CDH13: variants seen among roughly 807,000 people sequenced by gnomAD.
CDH13 encodes cadherin-13.
Under a neutral mutation model 63.8 loss-of-function variants are expected in CDH13, and 24 were observed. The ratio of observed to expected loss-of-function variants is 0.38; its 90% confidence interval spans 0.27 to 0.53. The LOEUF (loss-of-function observed/expected upper bound fraction) is 0.53, where lower values mean the gene tolerates loss of function less well. Among genes scored for constraint, CDH13 ranks in the 20% least tolerant of loss-of-function variants. CDH13 has a pLI of 0.85. For synonymous variants in CDH13, 503 were observed against 355.3 expected (o/e 1.42, Z -4.67); for missense variants, 1,049 against 903.1 (o/e 1.16, Z -2.07).
At chr16:82,688,332 C>T (rs1286474863) in intron 1 of CDH13, among the ~76,000 whole-genome samples, 1 of 152,178 alleles carries the variant, frequency 6.6e-6, no homozygotes, top group Non-Finnish European at 1.5e-5. Flanking sequence ...TAAGGCAAAC[C>T]ATATGCCTTA....
intron 4 of CDH13, among the ~76,000 whole-genome samples, chr16:83,177,409 G>T (rs1401106881): frequency 6.6e-6 from 1 of 152,168 alleles, no homozygotes; most frequent in Non-Finnish European, 1.5e-5. Context: ...GAATAAGCAT[G>T]TCAACATCAA....
intron 2 of CDH13, among the ~76,000 whole-genome samples, chr16:82,944,261 C>T (rs1904448888): frequency 1.3e-5 from 2 of 152,154 alleles, no homozygotes; most frequent in African/African-American, 4.8e-5. Context: ...TGACATCCTC[C>T]AGTCCCAGGC....
chr16:82,897,760 G>A (rs1175164844), intron 2 of CDH13, among the ~76,000 whole-genome samples: 3 of 152,230 alleles, frequency 2.0e-5, no homozygotes, highest in Admixed American at 6.5e-5. Flanking sequence ...AAACTGCAAG[G>A]GGTGGGGAAA....
chr16:82,737,326 C>T (rs1315908569), intron 1 of CDH13, among the ~76,000 whole-genome samples: 1 of 152,160 alleles, frequency 6.6e-6, no homozygotes, highest in Non-Finnish European at 1.5e-5. Flanking sequence ...TCAGATGGAC[C>T]CAGGGGTCAT....
At chr16:83,312,958 T>G (rs2090032422) in intron 5 of CDH13, among the ~76,000 whole-genome samples, 1 of 152,198 alleles carries the variant, frequency 6.6e-6, no homozygotes, top group Admixed American at 6.5e-5. Context: ...CTGTAAAGCA[T>G]AAGTTTTCCC....
intron 5 of CDH13, among the ~76,000 whole-genome samples, chr16:83,321,783 C>T (rs1294055535): frequency 6.6e-6 from 1 of 152,206 alleles, no homozygotes; most frequent in Non-Finnish European, 1.5e-5. Context: ...CTGCCTCAGC[C>T]TCCCAAAGTG....
At chr16:83,007,971 C>A (rs1913720149) in intron 2 of CDH13, among the ~76,000 whole-genome samples, 1 of 152,160 alleles carries the variant, frequency 6.6e-6, no homozygotes, top group Non-Finnish European at 1.5e-5. Flanking sequence ...TCCTACCTAC[C>A]TACCGACTTA....
intron 4 of CDH13, among the ~76,000 whole-genome samples, chr16:83,213,450 G>C (rs1236942110): frequency 6.6e-6 from 1 of 152,108 alleles, no homozygotes; most frequent in Non-Finnish European, 1.5e-5. Flanking sequence ...TCTGGGTGCT[G>C]TGTTCCCAAC....
chr16:83,265,051 T>A (rs933685699), intron 5 of CDH13, among the ~76,000 whole-genome samples: 2 of 152,246 alleles, frequency 1.3e-5, no homozygotes, highest in African/African-American at 4.8e-5. Flanking sequence ...ATGTATTTTT[T>A]ATTAAATCCT....
chr16:83,295,526 G>C (rs920574026), intron 5 of CDH13, among the ~76,000 whole-genome samples: 5 of 152,020 alleles, frequency 3.3e-5, no homozygotes, highest in African/African-American at 1.2e-4. Context: ...GAACTGAATA[G>C]ACAGTTTTCT....
At chr16:83,780,886 A>G (rs999762894) in intron 12 of CDH13, among the ~76,000 whole-genome samples, 7 of 152,162 alleles carry the variant, frequency 4.6e-5, no homozygotes, top group Admixed American at 2.0e-4. Flanking sequence ...ATTAACTTTC[A>G]CCAGCGCATT....
At chr16:82,991,240 A>C (rs557113167) in intron 2 of CDH13, among the ~76,000 whole-genome samples, 2 of 152,336 alleles carry the variant, frequency 1.3e-5, no homozygotes, top group East Asian at 3.9e-4. Flanking sequence ...TGAAAAATTG[A>C]TCACACGCTC....
intron 1 of CDH13, among the ~76,000 whole-genome samples, chr16:82,688,278 G>A (rs1915287391): frequency 6.6e-6 from 1 of 152,140 alleles, no homozygotes; most frequent in Non-Finnish European, 1.5e-5. Flanking sequence ...CTGGGAACAT[G>A]GTTTCTGATC....
chr16:83,333,424 C>A (rs985324849), intron 5 of CDH13, among the ~76,000 whole-genome samples: 2 of 152,020 alleles, frequency 1.3e-5, no homozygotes, highest in African/African-American at 2.4e-5. Context: ...GGATGATTGG[C>A]ACCTCTCTCA....
chr16:82,660,678 C>G (rs1911834714), intron 1 of CDH13, among the ~76,000 whole-genome samples: 1 of 152,146 alleles, frequency 6.6e-6, no homozygotes, highest in African/African-American at 2.4e-5. Context: ...CCTAGAGCAG[C>G]TTCAGACATA....
rs1013964483 is a variant in CDH13 at position 83,236,558 on chromosome 16, C to T, written c.636+19061C>T. Among the ~76,000 whole-genome samples, 10 of 152,196 alleles carry T rather than the reference C, an allele frequency of 6.6e-5. No individual in the cohort carries two copies. The East Asian group carries it at 9.7e-4, about 15-fold the overall frequency. On this transcript the variant is annotated intron_variant, in intron 5 of 13. Transcript: ENST00000567109. Reference sequence around the variant, plus strand: ...GAGATTTGTGATGGATGCCAATGTGCCTTCCTAAAATGCTGCAAGGCTATT... The same window carrying T: ...GAGATTTGTGATGGATGCCAATGTGTCTTCCTAAAATGCTGCAAGGCTATT...
intron 3 of CDH13, among the ~76,000 whole-genome samples, chr16:83,057,223 C>T (rs1011196976): frequency 6.6e-6 from 1 of 152,144 alleles, no homozygotes; most frequent in Non-Finnish European, 1.5e-5. Flanking sequence ...CCTGGGCCTC[C>T]CAAAGTACTG....
intron 6 of CDH13, among the ~76,000 whole-genome samples, chr16:83,428,038 C>G (rs1044567999): frequency 1.3e-5 from 2 of 152,150 alleles, no homozygotes; most frequent in African/African-American, 4.8e-5. Context: ...GAGAATCGGT[C>G]TCTGGTATAT....
chr16:83,168,847 C>T (rs1168539677), intron 4 of CDH13, among the ~76,000 whole-genome samples: 1 of 152,050 alleles, frequency 6.6e-6, no homozygotes, highest in Non-Finnish European at 1.5e-5. Flanking sequence ...TCTTCCAAAC[C>T]ATGATATTTA....
Sources: allele counts gnomAD v4.1 joint callset (sites outside exome capture counted in the v4.1 genomes callset), GRCh38; gene constraint gnomAD v4.1.1; transcripts MANE v1.5; gene names NCBI Gene and HGNC (gene_info 2026-07-23, HGNC 2026-07-21).